The following CACNG3 variants were observed in gnomAD, a reference collection of about 807,000 sequenced individuals.
CACNG3 encodes voltage-dependent calcium channel gamma-3 subunit.
A neutral mutation model predicts 28.5 loss-of-function variants in CACNG3; 3 were observed. That is an observed-to-expected ratio of 0.11 (90% CI 0.05 to 0.27). CACNG3 has a LOEUF of 0.27. Among genes scored for constraint, CACNG3 ranks in the 10% least tolerant of loss-of-function variants. The pLI is 1.00. For synonymous variants in CACNG3, 174 were observed against 162.2 expected (o/e 1.07, Z -0.55); for missense variants, 236 against 414.4 (o/e 0.57, Z 3.74).
At chr16:24,337,932 A>C (rs1447950370) in intron 1 of CACNG3, among the ~76,000 whole-genome samples, 2 of 151,398 alleles carry the variant, frequency 1.3e-5, no homozygotes, top group African/African-American at 4.9e-5. Context: ...TGGAGAGCTA[A>C]AGGGACAGCT....
intron 1 of CACNG3, among the ~76,000 whole-genome samples, chr16:24,287,697 T>A (rs1226929096): frequency 1.3e-5 from 2 of 152,136 alleles, no homozygotes; most frequent in Non-Finnish European, 2.9e-5. Flanking sequence ...TGAGAATGCA[T>A]CATCATCTCC....
intron 1 of CACNG3, among the ~76,000 whole-genome samples, chr16:24,345,508 C>G (rs1425686028): frequency 6.6e-6 from 1 of 152,004 alleles, no homozygotes; most frequent in Non-Finnish European, 1.5e-5. Context: ...CGAGATCAGC[C>G]TGGTCAACAT....
chr16:24,337,433 A>G (rs1899726904), intron 1 of CACNG3, among the ~76,000 whole-genome samples: 1 of 151,968 alleles, frequency 6.6e-6, no homozygotes, highest in African/African-American at 2.4e-5. Context: ...GAAAGGAAAC[A>G]CTCAAAATAG....
Position 24,358,505 on chromosome 16 carries a change from A to G in CACNG3, c.437-2847A>G, listed in dbSNP as rs1015636977. 4.6e-5 allele frequency among the ~76,000 whole-genome samples: 7 copies of G among 152,356 alleles called. No homozygotes were observed. In the East Asian group the frequency reaches 1.4e-3, roughly 29 times the overall value. ...TAGCTGTTATCATGTACAATGTACCATTTAATTCTCATATCAACTCCACTT... is the reference window on the plus strand; with the variant it reads ...TAGCTGTTATCATGTACAATGTACCGTTTAATTCTCATATCAACTCCACTT... On this transcript the variant is annotated intron_variant, in intron 3 of 3. Transcript: ENST00000005284.
At chr16:24,340,241 A>G (rs1596648731) in intron 1 of CACNG3, among the ~76,000 whole-genome samples, 1 of 152,234 alleles carries the variant, frequency 6.6e-6, no homozygotes, top group East Asian at 1.9e-4. Flanking sequence ...CTCTACAAAA[A>G]TATAAAAACT....
chr16:24,303,177 T>C (rs376384253), intron 1 of CACNG3, among the ~76,000 whole-genome samples: 2 of 151,946 alleles, frequency 1.3e-5, no homozygotes, highest in Non-Finnish European at 2.9e-5. Flanking sequence ...TCCCCTTCCC[T>C]CTCCAGCCTC....
At chr16:24,267,591 A>G (rs971481928) in intron 1 of CACNG3, among the ~76,000 whole-genome samples, 4 of 151,652 alleles carry the variant, frequency 2.6e-5, no homozygotes, top group East Asian at 2.0e-4. Context: ...CCCCACCTAG[A>G]AAAAAATAAT....
At chr16:24,260,874 C>T (rs1369643535) in intron 1 of CACNG3, among the ~76,000 whole-genome samples, 1 of 152,214 alleles carries the variant, frequency 6.6e-6, no homozygotes, top group Admixed American at 6.5e-5. Flanking sequence ...CCCTAACCTG[C>T]TGCGTGTTAT....
chr16:24,285,734 T>C (rs1041038137), intron 1 of CACNG3, among the ~76,000 whole-genome samples: 1 of 151,692 alleles, frequency 6.6e-6, no homozygotes, highest in African/African-American at 2.4e-5. Flanking sequence ...ATATATAATT[T>C]AAAAAGTATA....
intron 2 of CACNG3, 58 bp downstream of exon 2, chr16:24,346,875 C>G (rs1173254073): frequency 7.5e-7 from 1 of 1,335,764 alleles, no homozygotes; most frequent in Non-Finnish European, 1.1e-6. Context: ...TCTGCCATCA[C>G]TCAGCTGCCT....
At chr16:24,341,745 T>C (rs554728789) in intron 1 of CACNG3, among the ~76,000 whole-genome samples, 1 of 152,280 alleles carries the variant, frequency 6.6e-6, no homozygotes, top group African/African-American at 2.4e-5. Context: ...AAATACATTT[T>C]GGTTCGGGGG....
intron 1 of CACNG3, among the ~76,000 whole-genome samples, chr16:24,285,150 T>C (rs757736280): frequency 2.0e-5 from 3 of 152,118 alleles, no homozygotes; most frequent in Non-Finnish European, 4.4e-5. Context: ...CAGGACTTAC[T>C]CTGGGAAAGG....
chr16:24,270,741 T>C (rs772770247), intron 1 of CACNG3, among the ~76,000 whole-genome samples: 14 of 152,252 alleles, frequency 9.2e-5, no homozygotes, highest in Admixed American at 2.0e-4. Context: ...CATAGCACAA[T>C]GGACTTCTTC....
chr16:24,330,156 C>T (rs116640927), intron 1 of CACNG3, among the ~76,000 whole-genome samples: 2,243 of 152,324 alleles, frequency 0.015, 60 homozygotes, highest in African/African-American at 0.049. Context: ...TGACCATGTG[C>T]GTAGCTGCAT....
intron 1 of CACNG3, among the ~76,000 whole-genome samples, chr16:24,267,051 C>G (rs570516300): frequency 6.6e-6 from 1 of 150,676 alleles, no homozygotes; most frequent in Admixed American, 6.6e-5. Context: ...AGTACAACCT[C>G]TGCCTCCTGG....
At position 24,293,512 on chromosome 16, in the gene CACNG3, C is replaced by A. The variant is rs116987283; in HGVS notation, c.211+36547C>A. ...CTCTCAGGGCCCTCAGTTCTCCCAT[C>A]TGAGAAATGGATAACAATAAGGTTC... On this transcript the variant is annotated intron_variant, in intron 1 of 3. Transcript: ENST00000005284. Among the ~76,000 whole-genome samples, 327 of 152,294 alleles carry A rather than the reference C, an allele frequency of 2.1e-3. 3 individuals carry two copies. The highest frequency in any genetic ancestry group is 3.9e-3 in the Non-Finnish European group (267 of 68,016).
At chr16:24,311,274 G>A (rs1477810582) in intron 1 of CACNG3, among the ~76,000 whole-genome samples, 1 of 152,202 alleles carries the variant, frequency 6.6e-6, no homozygotes, top group Admixed American at 6.5e-5. Context: ...ACTTTGGGAG[G>A]CCGAGGAGGG....
intron 1 of CACNG3, among the ~76,000 whole-genome samples, chr16:24,290,184 T>C (rs1898948533): frequency 6.6e-6 from 1 of 152,256 alleles, no homozygotes; most frequent in Non-Finnish European, 1.5e-5. Flanking sequence ...TTTATTTGTT[T>C]TTTTATTTGT....
At chr16:24,260,327 C>G (rs1898521378) in intron 1 of CACNG3, among the ~76,000 whole-genome samples, 1 of 152,198 alleles carries the variant, frequency 6.6e-6, no homozygotes, top group South Asian at 2.1e-4. Context: ...AATAAGCTAA[C>G]CTACCAGAAT....
Sources: allele counts gnomAD v4.1 joint callset (sites outside exome capture counted in the v4.1 genomes callset), GRCh38; gene constraint gnomAD v4.1.1; transcripts MANE v1.5; gene names NCBI Gene and HGNC (gene_info 2026-07-23, HGNC 2026-07-21).